CPVL: variants seen among roughly 807,000 people sequenced by gnomAD.
CPVL encodes the protein probable serine carboxypeptidase CPVL.
CPVL carries 51 observed loss-of-function variants against 63.7 expected under a neutral mutation model. That is an observed-to-expected ratio of 0.80 (90% CI 0.64 to 1.01). The LOEUF (loss-of-function observed/expected upper bound fraction) is 1.01. Ranked by LOEUF, CPVL falls within the 50% of genes least tolerant of loss-of-function variation. CPVL has a pLI of 0.00. For synonymous variants in CPVL, 195 were observed against 206.0 expected, an observed-to-expected ratio of 0.95 and a Z score of 0.46; for missense variants, 530 against 573.1, an observed-to-expected ratio of 0.92 and a Z score of 0.77.
intron 1 of CPVL, among the ~76,000 whole-genome samples, chr7:29,128,348 C>G (rs541162890): frequency 6.6e-6 from 1 of 152,118 alleles, no homozygotes; most frequent in East Asian, 1.9e-4. Context: ...GATCCTTTCC[C>G]TCCCAGGGAC....
At chr7:29,059,295 C>G (rs907568995) in intron 11 of CPVL, among the ~76,000 whole-genome samples, 2 of 152,226 alleles carry the variant, frequency 1.3e-5, no homozygotes, top group Non-Finnish European at 2.9e-5. Flanking sequence ...TCCATCTGTT[C>G]TTGCAGGTTG....
In CPVL at chr7:29,076,634, C is replaced by T. The variant is rs1008397597; in HGVS notation, c.610-4211G>A. ...TAATAATTAAAGGAGCTTCAAGCTG[C>T]GATTTCCAGCACTGCTCTTACTTGG... On this transcript the variant is annotated intron_variant, in intron 7 of 12. Transcript: ENST00000265394. Among the ~76,000 whole-genome samples the T allele has an allele frequency of 5.9e-5, 9 of 152,254 alleles. No homozygotes were observed. The South Asian group carries it at 1.5e-3, about 25-fold the overall frequency.
At chr7:29,094,193 T>C (rs997225099) in intron 5 of CPVL, among the ~76,000 whole-genome samples, 1 of 151,984 alleles carries the variant, frequency 6.6e-6, no homozygotes, top group Non-Finnish European at 1.5e-5. Context: ...ATACAAAAGT[T>C]AGCCAGGCAT....
intron 3 of CPVL, 148 bp downstream of exon 3, chr7:29,112,556 G>C (rs1280373267): frequency 1.8e-6 from 1 of 567,606 alleles, no homozygotes; most frequent in African/African-American, 1.9e-5. Context: ...ATGCAGGTTT[G>C]CTTATTTTTA....
chr7:29,170,783 G>A (rs1012301904), intron 5 of CPVL, among the ~76,000 whole-genome samples: 1 of 151,538 alleles, frequency 6.6e-6, no homozygotes, highest in Non-Finnish European at 1.5e-5. Flanking sequence ...TATGGCTGGT[G>A]GGGGGGCCTC....
chr7:29,168,838 T>C (rs555596713), intron 5 of CPVL, among the ~76,000 whole-genome samples: 1 of 152,400 alleles, frequency 6.6e-6, no homozygotes, highest in East Asian at 1.9e-4. Flanking sequence ...ATGTATTATG[T>C]GTGCATGATT....
chr7:29,144,584 T>C (rs1348651277), intron 1 of CPVL, among the ~76,000 whole-genome samples: 1 of 152,068 alleles, frequency 6.6e-6, no homozygotes, highest in Non-Finnish European at 1.5e-5. Flanking sequence ...GTCATTACTA[T>C]TTACCTTGAG....
At chr7:29,112,374 C>T (rs1258082258) in intron 3 of CPVL, among the ~76,000 whole-genome samples, 1 of 152,118 alleles carries the variant, frequency 6.6e-6, no homozygotes, top group Non-Finnish European at 1.5e-5. Flanking sequence ...CCTGACCCAT[C>T]CCTGCCCTAA....
intron 1 of CPVL, among the ~76,000 whole-genome samples, chr7:29,143,198 A>G (rs569914935): frequency 1.3e-5 from 2 of 152,362 alleles, no homozygotes; most frequent in African/African-American, 4.8e-5. Context: ...CCAAAGTTAC[A>G]TGATTCCTTC....
upstream of CPVL, chr7:29,146,922 AC>A (rs1432998168): frequency 1.9e-6 from 3 of 1,551,204 alleles, no homozygotes; most frequent in Non-Finnish European, 2.6e-6. Flanking sequence ...AAAAGGCAAC[AC>A]ACGTTCGCTG....
At chr7:29,002,013 G>C (rs568996551) in intron 12 of CPVL, among the ~76,000 whole-genome samples, 2 of 152,184 alleles carry the variant, frequency 1.3e-5, no homozygotes, top group African/African-American at 4.8e-5. Context: ...GGCCATGATC[G>C]TAGAGAAAAG....
intron 11 of CPVL, among the ~76,000 whole-genome samples, chr7:29,049,040 C>T (rs537091448): frequency 4.6e-5 from 7 of 151,908 alleles, no homozygotes; most frequent in South Asian, 4.2e-4. Context: ...AGTTCATAGC[C>T]GTAAACGCCT....
At chr7:29,086,258 C>T (rs930041460) in intron 7 of CPVL, among the ~76,000 whole-genome samples, 17 of 151,688 alleles carry the variant, frequency 1.1e-4, no homozygotes, top group Admixed American at 1.1e-3. Flanking sequence ...CGCCACTGCA[C>T]TCCAGCCCTT....
At chr7:29,134,582 C>A (rs1438178179) in intron 1 of CPVL, among the ~76,000 whole-genome samples, 1 of 151,994 alleles carries the variant, frequency 6.6e-6, no homozygotes, top group Non-Finnish European at 1.5e-5. Flanking sequence ...CATTAAACAA[C>A]AGAATAAAAT....
At chr7:29,079,313 G>C (rs751901900) in intron 7 of CPVL, among the ~76,000 whole-genome samples, 2 of 152,160 alleles carry the variant, frequency 1.3e-5, no homozygotes, top group Non-Finnish European at 2.9e-5. Context: ...TGGTGAACAA[G>C]CATTTTGGTG....
At chr7:29,021,301 T>C (rs539016675) in intron 12 of CPVL, among the ~76,000 whole-genome samples, 5 of 152,218 alleles carry the variant, frequency 3.3e-5, no homozygotes, top group African/African-American at 1.2e-4. Context: ...AGTAATCCCA[T>C]ATCTACTTTA....
rs1795532207 is a variant in CPVL at position 29,163,863 on chromosome 7, T to TTTCATTGCTGAA, written c.-11+17415_-11+17426dup. 2.0e-5 allele frequency among the ~76,000 whole-genome samples: 3 copies of TTTCATTGCTGAA among 152,238 alleles called. No individual in the cohort carries two copies. In the South Asian group the frequency reaches 6.2e-4, roughly 32 times the overall value. ...TTATGCATATCAATAGTTCACTCCT[T>TTTCATTGCTGAA]TTCATTGCTGAATTCATTGCTGAAT... On this transcript the variant is annotated intron_variant, in intron 5 of 16. Coordinates refer to the CPVL transcript ENST00000409850.
intron 11 of CPVL, among the ~76,000 whole-genome samples, chr7:29,050,022 T>C (rs1453394190): frequency 6.6e-6 from 1 of 152,064 alleles, no homozygotes; most frequent in Non-Finnish European, 1.5e-5. Context: ...TACCTCAATG[T>C]AATAAAAGCC....
intron 1 of CPVL, among the ~76,000 whole-genome samples, chr7:29,190,753 C>A (rs1782784464): frequency 6.6e-6 from 1 of 152,162 alleles, no homozygotes; most frequent in Non-Finnish European, 1.5e-5. Flanking sequence ...TCTTGTAGCT[C>A]AGTGGTCACA....
Sources: gnomAD v4.1 joint callset for allele counts (sites outside exome capture counted in the v4.1 genomes callset) on GRCh38, gnomAD v4.1.1 for gene constraint, MANE v1.5 for transcripts, NCBI Gene and HGNC (gene_info 2026-07-23, HGNC 2026-07-21) for gene names.